The following ENG variants were observed in gnomAD, a reference collection of about 807,000 sequenced individuals.
ENG encodes the protein endoglin.
In ENG, 17 loss-of-function variants were observed where a neutral mutation model predicts 71.0. The ratio of observed to expected loss-of-function variants is 0.24; its 90% CI spans 0.16 to 0.36. The LOEUF (loss-of-function observed/expected upper bound fraction) is 0.36, where lower values mean the gene tolerates loss of function less well. ENG is among the 10% of genes least tolerant of loss of function. The pLI is 1.00. For missense variants in ENG, 749 were observed against 868.3 expected (o/e 0.86, Z 1.73); for synonymous variants, 360 against 366.9 (o/e 0.98, Z 0.21).
At chr9:127,820,635 T>C in intron 8 of ENG, among the ~76,000 whole-genome samples, 1 of 150,716 alleles carries the variant, frequency 6.6e-6, no homozygotes, top group East Asian at 2.0e-4. Flanking sequence ...GAGACCATCC[T>C]GGCTAACATG....
chr9:127,819,129 G>T (rs565999871), intron 10 of ENG: 5 of 377,830 alleles, frequency 1.3e-5, no homozygotes, highest in Non-Finnish European at 2.0e-5. Flanking sequence ...AGTAGATACG[G>T]GGTTTCACCA....
At position 127,846,897 on chromosome 9, in the gene ENG, T is replaced by C; in HGVS notation, c.68-3652A>G. The C allele has an allele frequency of 1.0e-6, 1 of 985,572 alleles. No individual in the cohort carries two copies. Among genetic ancestry groups the C allele is most frequent in the South Asian group, 4.7e-5 (1 of 21,284 alleles). The allele number at this position is 985,572 out of a possible 1,614,324, so 61.1% of individuals were successfully genotyped here. On this transcript the variant is annotated intron_variant, in intron 1 of 14. Coordinates refer to ENST00000373203, the MANE Select transcript of ENG (RefSeq NM_001114753.3). This position sits in a 1 kb window ranked among gnomAD's most constrained non-coding sequence, Gnocchi z 5.5. ...GTCCCCTCTCCACCCTCGCCACCCA[T>C]GTGCACACAGCACCTCCCAGATTTC... is the stretch of plus-strand genomic sequence containing the variant.
At position 127,815,419 on chromosome 9, in the gene ENG, C is replaced by A. The variant is rs899987843; in HGVS notation, c.*263G>T. ...ACAGGGACTTGGGTTTTTACAACAGCGTGGCAAGTGGTCTGTCTCCTGGGC... is the reference window on the plus strand; with the variant it reads ...ACAGGGACTTGGGTTTTTACAACAGAGTGGCAAGTGGTCTGTCTCCTGGGC... On this transcript the variant is annotated 3_prime_UTR_variant, in exon 15 of 15. Transcript: ENST00000373203. 5.4e-6 allele frequency: 3 copies of A among 554,766 alleles called. No homozygotes were observed. Among genetic ancestry groups the A allele is most frequent in the Non-Finnish European group, 9.2e-6 (3 of 326,812 alleles). The allele number at this position is 554,766 out of a possible 1,614,324, so 34.4% of individuals were successfully genotyped here. A position where few individuals can be genotyped will look rare whatever the true frequency, so the allele number is the denominator to read the frequency against.
intron 12 of ENG, 37 bp from the exon 13 acceptor site, chr9:127,817,240 G>A (rs776496319): frequency 1.9e-6 from 3 of 1,612,258 alleles, no homozygotes; most frequent in Non-Finnish European, 2.5e-6. Context: ...TGGCACCTTT[G>A]GGAGGCGGCT....
chr9:127,829,847 G>A lies in ENG; in HGVS notation c.220-20C>T. On this transcript the variant is annotated intron_variant, in intron 2 of 14. Coordinates refer to ENST00000373203, the MANE Select transcript of ENG (RefSeq NM_001114753.3). ...CGGGCCCTGGGGGACACAGAGGAGA[G>A]ACACACACAGTCCAGTCAGATTTGT... 6.2e-7 allele frequency: 1 copy of A among 1,613,624 alleles called. No individual in the cohort carries two copies. The highest frequency in any genetic ancestry group is 2.2e-5 in the East Asian group (1 of 44,876).
rs749016046 is a variant in ENG at position 127,828,433 on chromosome 9, A to AG, written c.360+1253dup. Among the ~76,000 whole-genome samples, 50 of 152,272 alleles carry AG rather than the reference A, an allele frequency of 3.3e-4. No individual in the cohort carries two copies. The Middle Eastern group carries it at 0.014, about 42-fold the overall frequency. On this transcript the variant is annotated intron_variant, in intron 3 of 14. Transcript: ENST00000373203. ...TTTGTCCCCTCTGGCCACCGGCCCC[A>AG]GGGAGCCCGCTCGGGAAGCAGCGCG...
rs1247391985 is a variant in ENG, at chr9:127,818,192, T to C, written c.1614A>G (p.Thr538=). The C allele has an allele frequency of 6.2e-7, 1 of 1,614,196 alleles. No homozygotes were observed. The stretch of plus-strand genomic sequence containing the variant: ...GGGTGCCGGTTTTGGGTATGGGTAC[T>C]GTGTAGAAGTGGAGGAGGAAGCTGA... ...PRFSFLLHFY[T]VPIPKTGTLS... The change falls in exon 12 of 15, where the codon ACA becomes ACG. Residue 538 remains threonine, a synonymous_variant. Transcript: ENST00000373203.
intron 1 of ENG, among the ~76,000 whole-genome samples, chr9:127,849,237 GT>G (rs1475414382): frequency 6.6e-6 from 1 of 152,220 alleles, no homozygotes; most frequent in Non-Finnish European, 1.5e-5. Context: ...TGCGTCAGGA[GT>G]AAGAACCCCT....
At chr9:127,850,364 C>T (rs1351879780) in intron 1 of ENG, among the ~76,000 whole-genome samples, 1 of 152,254 alleles carries the variant, frequency 6.6e-6, no homozygotes, top group East Asian at 1.9e-4. Flanking sequence ...TTGCCCAGAT[C>T]CACCTCCAGC....
chr9:127,824,650 C>G, intron 7 of ENG, 150 bp downstream of exon 7: 1 of 1,098,220 alleles, frequency 9.1e-7, no homozygotes, highest in Non-Finnish European at 1.3e-6. Flanking sequence ...TGATTAGCTA[C>G]TCCCATTGTT....
chr9:127,831,226 T>C (rs978301654), intron 2 of ENG, among the ~76,000 whole-genome samples: 2 of 151,312 alleles, frequency 1.3e-5, no homozygotes, highest in Non-Finnish European at 2.9e-5. Flanking sequence ...AGTGATGTGA[T>C]CTCGGCTCAC....
chr9:127,837,948 C>T (rs1181196305), intron 2 of ENG, among the ~76,000 whole-genome samples: 1 of 152,144 alleles, frequency 6.6e-6, no homozygotes, highest in Non-Finnish European at 1.5e-5. Context: ...AAGCCTGCCT[C>T]TAATATTTGC....
rs1830949436 is a variant in ENG, at chr9:127,838,211, G to A, written c.219+4883C>T. Among the ~76,000 whole-genome samples, 1 of 152,206 alleles carries A rather than the reference G, an allele frequency of 6.6e-6. No individual in the cohort carries two copies. The stretch of plus-strand genomic sequence containing the variant: ...GGAAAGATCCCTGCAGCCCTGAGAG[G>A]AGGCTCAGAGCCATTTGGGATTTTG... On this transcript the variant is annotated intron_variant, in intron 2 of 14. Transcript: ENST00000373203. The surrounding 1 kb of genome is among the most constrained non-coding windows in gnomAD (Gnocchi z 4.3).
At chr9:127,828,019 C>CAAAAAA (rs997493323) in intron 3 of ENG, among the ~76,000 whole-genome samples, 1,132 of 31,154 alleles carry the variant, frequency 0.036, 51 homozygotes, top group Middle Eastern at 0.08. Flanking sequence ...AACTCCATCT[C>CAAAAAA]AAAAAAAAAA....
chr9:127,853,839 G>GT (rs1829088058), intron 1 of ENG, among the ~76,000 whole-genome samples: 1 of 152,246 alleles, frequency 6.6e-6, no homozygotes, highest in Admixed American at 6.5e-5. Context: ...CCCGAAGGCA[G>GT]TCCCCCAGGA....
chr9:127,826,646 C>T lies in ENG; in HGVS notation c.387G>A (p.Glu129=), dbSNP rs1588583668. 1.2e-6 allele frequency: 2 copies of T among 1,613,940 alleles called. No individual in the cohort carries two copies. Among genetic ancestry groups the T allele is most frequent in the Non-Finnish European group, 1.7e-6 (2 of 1,180,000 alleles). ...GCTCTGTGGTGTTGACCCCCGGGGG[C>T]TCTTGGAAGGTGACCAGGCTGGAAT... ...AYNSSLVTFQ[E]PPGVNTTELP... Residue 129 remains glutamate (E), a synonymous_variant, in exon 4 of 15, where the codon GAG becomes GAA. Coordinates refer to ENST00000373203, the MANE Select transcript of ENG (RefSeq NM_001114753.3).
Position 127,818,754 on chromosome 9 carries a change from A to T in ENG, c.1390T>A (p.Ser464Thr), listed in dbSNP as rs748457491. The T allele has an allele frequency of 8.7e-6, 14 of 1,613,874 alleles. No homozygotes were observed. The East Asian group carries it at 2.2e-4, about 26-fold the overall frequency. Residue 464 changes from serine to threonine, a missense_variant, in exon 11 of 15, where the codon TCC becomes ACC. Physicochemically the swap from Ser to Thr is moderately conservative, Grantham distance 58 (BLOSUM62 1). Transcript: ENST00000373203. ...LYLSPHFLQASNTIEPGQQSF... is the reference protein window; with the variant it reads ...LYLSPHFLQATNTIEPGQQSF... Reference sequence around the variant, plus strand: ...TGCTGCCCCGGCTCGATGGTGTTGGAGGCCTGGAGGAAGTGTGGGCTGAGG... The same window carrying T: ...TGCTGCCCCGGCTCGATGGTGTTGGTGGCCTGGAGGAAGTGTGGGCTGAGG...
Position 127,819,098 on chromosome 9 carries a change from C to T in ENG, c.1312-266G>A, listed in dbSNP as rs543516188. 9.5e-4 allele frequency: 381 copies of T among 401,210 alleles called. 3 individuals carry two copies. Among genetic ancestry groups the T allele is most frequent in the African/African-American group, 7.0e-3 (337 of 48,420 alleles). The allele number at this position is 401,210 out of a possible 1,614,324, so 24.9% of individuals were successfully genotyped here. A position where few individuals can be genotyped will look rare whatever the true frequency, so the allele number is the denominator to read the frequency against. On this transcript the variant is annotated intron_variant, in intron 10 of 14. Transcript: ENST00000373203. ...GATTACAGGTGCCCGCCACCACGCCCGGCTAATTTTTTGTATTTTTAGTAG... is the reference window on the plus strand; with the variant it reads ...GATTACAGGTGCCCGCCACCACGCCTGGCTAATTTTTTGTATTTTTAGTAG...
chr9:127,822,052 A>C (rs1830480587), intron 8 of ENG, among the ~76,000 whole-genome samples: 1 of 151,596 alleles, frequency 6.6e-6, no homozygotes, highest in South Asian at 2.1e-4. Context: ...TGTCTCAAAG[A>C]AAAAAAAAGA....
Sources: allele counts gnomAD v4.1 joint callset (sites outside exome capture counted in the v4.1 genomes callset), GRCh38; gene constraint gnomAD v4.1.1; non-coding constraint Gnocchi (gnomAD v3.1); transcripts MANE v1.5; gene names NCBI Gene and HGNC (gene_info 2026-07-23, HGNC 2026-07-21).